The following DYNC2H1 variants were observed in gnomAD, a reference collection of about 807,000 sequenced individuals.
DYNC2H1 encodes the protein cytoplasmic dynein 2 heavy chain 1.
A neutral mutation model predicts 570.0 loss-of-function variants in DYNC2H1; 410 were observed. The observed-to-expected ratio is 0.72, with a 90% CI of 0.66 to 0.78. DYNC2H1 has a LOEUF of 0.78. Ranked by LOEUF, DYNC2H1 falls within the 30% of genes least tolerant of loss-of-function variation. DYNC2H1 has a pLI of 0.00. For missense variants in DYNC2H1, 4,865 were observed against 5,046.4 expected, an observed-to-expected ratio of 0.96 and a Z score of 1.09; for synonymous variants, 1,688 against 1,677.6, an observed-to-expected ratio of 1.01 and a Z score of -0.15.
chr11:103,134,490 A>AC, intron 15 of DYNC2H1, 71 bp downstream of exon 15: 2 of 1,232,154 alleles, frequency 1.6e-6, no homozygotes, highest in Non-Finnish European at 2.2e-6. Flanking sequence ...CAATATATGA[A>AC]TTGCCGAGAA....
intron 22 of DYNC2H1, among the ~76,000 whole-genome samples, chr11:103,154,198 C>T (rs1860700175): frequency 6.6e-6 from 1 of 151,724 alleles, no homozygotes; most frequent in South Asian, 2.1e-4. Context: ...GTTTTGACTT[C>T]TTTGGAAAAA....
chr11:103,176,106 G>A (rs1591362412), intron 36 of DYNC2H1, 129 bp from the exon 37 acceptor site: 2 of 634,562 alleles, frequency 3.2e-6, no homozygotes, highest in East Asian at 3.4e-5. Flanking sequence ...GTGATGTAAT[G>A]TCTTTAAATG....
chr11:103,126,740 C>T lies in DYNC2H1; in HGVS notation c.1857+1445C>T, dbSNP rs1005929444. Among the ~76,000 whole-genome samples the T allele has an allele frequency of 3.3e-5, 5 of 151,676 alleles. No homozygotes were observed. The East Asian group carries it at 9.8e-4, about 30-fold the overall frequency. ...CAAGCTCCGCCTCCCGGGTTCATGC[C>T]ATTCTCCTGCCTCAGCCTCCCGAGT... On this transcript the variant is annotated intron_variant, in intron 12 of 88. Coordinates refer to ENST00000375735, the MANE Select transcript of DYNC2H1 (RefSeq NM_001377.3).
At chr11:103,320,716 C>T (rs965849759) in intron 80 of DYNC2H1, among the ~76,000 whole-genome samples, 2 of 152,066 alleles carry the variant, frequency 1.3e-5, no homozygotes, top group African/African-American at 4.8e-5. Flanking sequence ...TTCAGATCTT[C>T]GAGATTGTAT....
chr11:103,218,156 GAC>G (rs1385577729), intron 55 of DYNC2H1, among the ~76,000 whole-genome samples: 11 of 152,156 alleles, frequency 7.2e-5, no homozygotes, highest in Non-Finnish European at 1.5e-4. Flanking sequence ...TCAAAAGTTT[GAC>G]ACAGTCTCAT....
intron 83 of DYNC2H1, among the ~76,000 whole-genome samples, chr11:103,397,474 A>G (rs2135636553): frequency 6.6e-6 from 1 of 152,368 alleles, no homozygotes; most frequent in African/African-American, 2.4e-5. Flanking sequence ...GTAACATACA[A>G]TTTAACATGT....
chr11:103,232,848 A>G (rs1864068923), intron 60 of DYNC2H1, among the ~76,000 whole-genome samples: 1 of 151,494 alleles, frequency 6.6e-6, no homozygotes, highest in South Asian at 2.1e-4. Flanking sequence ...GTTTTAGAAC[A>G]GTGCTGTTTA....
intron 54 of DYNC2H1, among the ~76,000 whole-genome samples, chr11:103,212,932 A>G (rs964390710): frequency 1.3e-5 from 2 of 152,188 alleles, no homozygotes; most frequent in Non-Finnish European, 2.9e-5. Flanking sequence ...GATAAAATTC[A>G]TATGGAAAAA....
rs1859431102 is a variant in DYNC2H1 at position 103,134,415 on chromosome 11, C to T, written c.2201C>T (p.Ala734Val). Residue 734 changes from alanine to valine, a missense_variant, in exon 15 of 89, where the codon GCA becomes GTA. Physicochemically the swap from Ala to Val is moderately conservative, Grantham distance 64 (BLOSUM62 0). Transcript: ENST00000375735. ...ELRTGLATVE[A>V]QGFQASDMHA... ...AGAACTGGCTTAGCAACTGTAGAAG[C>T]ACAGGTAGAGTATGTTTTATTTTGT... 1 of 1,608,218 alleles carries T rather than the reference C, an allele frequency of 6.2e-7. No individual in the cohort carries two copies. Among genetic ancestry groups the T allele is most frequent in the Admixed American group, 1.7e-5 (1 of 59,610 alleles).
rs1555051720 is a variant in DYNC2H1 at position 103,158,709 on chromosome 11, G to GAGTCACAAC, written c.4162_4170dup (p.Val1388_Thr1390dup). 2.0e-6 allele frequency: 3 copies of GAGTCACAAC among 1,526,526 alleles called. No homozygotes were observed. The highest frequency in any genetic ancestry group is 2.7e-6 in the Non-Finnish European group (3 of 1,129,362). The allele number at this position is 1,526,526 out of a possible 1,614,324, so 94.6% of individuals were successfully genotyped here. The stretch of plus-strand genomic sequence containing the variant: ...ATGACTGATATCAAGAAAGACAATA[G>GAGTCACAAC]AGTCACAACATTAACTACTCATGCT... On this transcript the variant is annotated inframe_insertion, in exon 27 of 89. Transcript: ENST00000375735.
At chr11:103,403,648 A>T (rs1422698322) in intron 84 of DYNC2H1, 1 of 152,054 alleles carries the variant, frequency 6.6e-6, no homozygotes, top group Non-Finnish European at 1.5e-5. Context: ...AGCATTCAGG[A>T]ATTGCATCTG....
chr11:103,407,537 A>G (rs1942911013), intron 84 of DYNC2H1: 1 of 151,968 alleles, frequency 6.6e-6, no homozygotes, highest in Admixed American at 6.6e-5. Flanking sequence ...AGAAGATATG[A>G]ATTGTTCGTA....
chr11:103,127,469 G>A (rs1859058852), intron 12 of DYNC2H1, among the ~76,000 whole-genome samples: 1 of 152,018 alleles, frequency 6.6e-6, no homozygotes, highest in Non-Finnish European at 1.5e-5. Context: ...CTATTTTTGT[G>A]GTACAGAATA....
At chr11:103,240,913 A>T (rs11225623) in intron 63 of DYNC2H1, among the ~76,000 whole-genome samples, 16,270 of 152,182 alleles carry the variant, frequency 0.11, 1,024 homozygotes, top group East Asian at 0.21. Context: ...CTGCCATTTT[A>T]TATGCATCAC....
intron 83 of DYNC2H1, among the ~76,000 whole-genome samples, chr11:103,380,723 G>A (rs1941609232): frequency 1.3e-5 from 2 of 152,094 alleles, no homozygotes; most frequent in Non-Finnish European, 2.9e-5. Flanking sequence ...CACCAGCCTG[G>A]CTAATCTTTT....
At chr11:103,409,825 AAGTT>A (rs111584190) in intron 84 of DYNC2H1, among the ~76,000 whole-genome samples, 90,918 of 151,222 alleles carry the variant, frequency 0.6, 29,244 homozygotes, top group African/African-American at 0.85. Flanking sequence ...TCTCTGTGTA[AAGTT>A]AGTTATTTCT....
rs886075485 is a variant in DYNC2H1, at chr11:103,244,516, T to C, written c.9918+725T>C. Among the ~76,000 whole-genome samples the C allele has an allele frequency of 2.7e-5, 4 of 149,472 alleles. No individual in the cohort carries two copies. The highest frequency in any genetic ancestry group is 7.3e-5 in the African/African-American group (3 of 41,070). ...AAATTAAATAATATATAAAATACTT[T>C]AATAATCATTTATGGCTTGCATATA... On this transcript the variant is annotated intron_variant, in intron 64 of 88. Coordinates refer to ENST00000375735, the MANE Select transcript of DYNC2H1 (RefSeq NM_001377.3). The surrounding 1 kb of genome is among the most constrained non-coding windows in gnomAD (Gnocchi z 4.3).
chr11:103,200,138 T>C lies in DYNC2H1; in HGVS notation c.8181T>C (p.Asn2727=), dbSNP rs1420141329. The C allele has an allele frequency of 6.4e-7, 1 of 1,571,792 alleles. No individual in the cohort carries two copies. Among genetic ancestry groups the C allele is most frequent in the Non-Finnish European group, 8.6e-7 (1 of 1,157,068 alleles). ...ATCCTACATTTTTGGAGATGATCAA[T>C]AGCCTTTTGTCTTCAGGCAAGTGAA... ...FVHPTFLEMI[N]SLLSSGEVPG... is the part of the protein sequence containing the mutation. The change falls in exon 50 of 89, where the codon AAT becomes AAC. Residue 2727 remains asparagine, a synonymous_variant. Transcript: ENST00000375735.
intron 57 of DYNC2H1, 28 bp from the exon 58 acceptor site, chr11:103,222,002 C>A (rs778882124): frequency 6.3e-7 from 1 of 1,599,074 alleles, no homozygotes; most frequent in East Asian, 2.2e-5. Flanking sequence ...TATTTAGCCT[C>A]ATTTAAGGAA....
Sources: allele counts gnomAD v4.1 joint callset (sites outside exome capture counted in the v4.1 genomes callset), GRCh38; gene constraint gnomAD v4.1.1; non-coding constraint Gnocchi (gnomAD v3.1); transcripts MANE v1.5; gene names NCBI Gene and HGNC (gene_info 2026-07-23, HGNC 2026-07-21).